The following GRID2 variants were observed in gnomAD, a reference collection of about 807,000 sequenced individuals.
GRID2 encodes glutamate receptor ionotropic, delta-2.
Under a neutral mutation model 114.8 loss-of-function variants are expected in GRID2, and 33 were observed. That is an observed-to-expected ratio of 0.29 (90% CI 0.22 to 0.38). The LOEUF (loss-of-function observed/expected upper bound fraction) is 0.38, where lower values mean the gene tolerates loss of function less well. GRID2 is among the 10% of genes least tolerant of loss of function. The pLI, the probability that GRID2 is intolerant of heterozygous loss-of-function variation, is 1.00. For missense variants in GRID2, 1,184 were observed against 1,257.7 expected, an observed-to-expected ratio of 0.94 and a Z score of 0.89; for synonymous variants, 505 against 449.9, an observed-to-expected ratio of 1.12 and a Z score of -1.55.
At chr4:93,017,529 T>C (rs2149240965) in intron 2 of GRID2, among the ~76,000 whole-genome samples, 1 of 152,142 alleles carries the variant, frequency 6.6e-6, no homozygotes, top group South Asian at 2.1e-4. Context: ...TCTATATATA[T>C]ATGGCCACGC....
chr4:92,901,535 T>C lies in GRID2; in HGVS notation c.245-183460T>C, dbSNP rs114572911. Among the ~76,000 whole-genome samples the C allele has an allele frequency of 2.7e-3, 411 of 152,330 alleles. 4 individuals carry two copies. Among genetic ancestry groups the C allele is most frequent in the African/African-American group, 9.5e-3 (397 of 41,582 alleles). ...AGTTTTGTTTTGGTTTCATATGCTTTTGAGGTCCTAGTCATAAATTATTTA... is the reference window on the plus strand; with the variant it reads ...AGTTTTGTTTTGGTTTCATATGCTTCTGAGGTCCTAGTCATAAATTATTTA... On this transcript the variant is annotated intron_variant, in intron 2 of 15. Coordinates refer to ENST00000282020, the MANE Select transcript of GRID2 (RefSeq NM_001510.4).
At chr4:92,717,269 G>C (rs1735596201) in intron 2 of GRID2, among the ~76,000 whole-genome samples, 1 of 152,160 alleles carries the variant, frequency 6.6e-6, no homozygotes, top group South Asian at 2.1e-4. Context: ...TGTAAAGCTA[G>C]AAGGAAAACA....
chr4:93,420,253 G>A (rs1309144898), intron 9 of GRID2, among the ~76,000 whole-genome samples: 1 of 152,072 alleles, frequency 6.6e-6, no homozygotes, highest in Non-Finnish European at 1.5e-5. Context: ...AGCATTAAAA[G>A]CTATATTAAT....
At chr4:92,389,799 A>T (rs1730154660) in intron 1 of GRID2, among the ~76,000 whole-genome samples, 1 of 152,096 alleles carries the variant, frequency 6.6e-6, no homozygotes. Context: ...TATTAACTGT[A>T]AGGAGATATC....
chr4:93,526,580 C>T (rs890041108), intron 13 of GRID2, among the ~76,000 whole-genome samples: 1 of 152,140 alleles, frequency 6.6e-6, no homozygotes, highest in Non-Finnish European at 1.5e-5. Context: ...GAGGCTGAGG[C>T]GGACAGATCA....
rs114965615 is a variant in GRID2 at position 93,213,674 on chromosome 4, T to C, written c.790-3064T>C. 2.6e-3 allele frequency among the ~76,000 whole-genome samples: 389 copies of C among 152,288 alleles called. 1 individual carries two copies. The highest frequency in any genetic ancestry group is 8.9e-3 in the African/African-American group (371 of 41,572). ...TTGAGAGTCTTTTCTTCCCACAATCTTATTCATTTCAACCTAAAGCTGATA... is the reference window on the plus strand; with the variant it reads ...TTGAGAGTCTTTTCTTCCCACAATCCTATTCATTTCAACCTAAAGCTGATA... On this transcript the variant is annotated intron_variant, in intron 5 of 15. Coordinates refer to ENST00000282020, the MANE Select transcript of GRID2 (RefSeq NM_001510.4).
At chr4:92,979,036 A>AAAATAG (rs1754035131) in intron 2 of GRID2, among the ~76,000 whole-genome samples, 1 of 152,090 alleles carries the variant, frequency 6.6e-6, no homozygotes, top group South Asian at 2.1e-4. Flanking sequence ...AATAAAAATA[A>AAAATAG]AAATGAAAAT....
chr4:92,909,005 T>C (rs868124362), intron 2 of GRID2, among the ~76,000 whole-genome samples: 14 of 152,156 alleles, frequency 9.2e-5, no homozygotes, highest in Non-Finnish European at 1.9e-4. Flanking sequence ...CATTAATTGA[T>C]TGTTCAATTT....
At chr4:92,348,095 A>G (rs1304059186) in intron 1 of GRID2, among the ~76,000 whole-genome samples, 1 of 152,114 alleles carries the variant, frequency 6.6e-6, no homozygotes, top group East Asian at 1.9e-4. Context: ...AGCTGGGACC[A>G]CAGTCATGTG....
intron 1 of GRID2, among the ~76,000 whole-genome samples, chr4:92,327,820 C>A (rs371350744): frequency 6.6e-6 from 1 of 151,508 alleles, no homozygotes; most frequent in South Asian, 2.1e-4. Flanking sequence ...GTTCCCCTCA[C>A]GTAGAGAATA....
At chr4:92,602,322 G>T (rs951545585) in intron 2 of GRID2, among the ~76,000 whole-genome samples, 1 of 152,014 alleles carries the variant, frequency 6.6e-6, no homozygotes, top group African/African-American at 2.4e-5. Context: ...CTGGGAAACC[G>T]GATTCAGCAA....
chr4:92,393,921 A>G (rs1411386591), intron 1 of GRID2, among the ~76,000 whole-genome samples: 1 of 152,174 alleles, frequency 6.6e-6, no homozygotes, highest in Non-Finnish European at 1.5e-5. Flanking sequence ...TTTGCTGGAT[A>G]GTGTCACAGA....
intron 14 of GRID2, among the ~76,000 whole-genome samples, chr4:93,672,112 G>T (rs998792508): frequency 6.6e-6 from 1 of 152,164 alleles, no homozygotes; most frequent in Non-Finnish European, 1.5e-5. Flanking sequence ...CTCACTACCA[G>T]TTGAGGAGTT....
chr4:92,954,012 T>C (rs1432722014), intron 2 of GRID2, among the ~76,000 whole-genome samples: 1 of 152,168 alleles, frequency 6.6e-6, no homozygotes, highest in Non-Finnish European at 1.5e-5. Flanking sequence ...TTACATTCCA[T>C]TATATGATAT....
chr4:93,568,900 C>G (rs1735680867), intron 13 of GRID2, among the ~76,000 whole-genome samples: 1 of 152,114 alleles, frequency 6.6e-6, no homozygotes, highest in African/African-American at 2.4e-5. Context: ...CCCTGAGACA[C>G]CTGTTACCAT....
chr4:92,307,888 C>G (rs932352966), intron 1 of GRID2, among the ~76,000 whole-genome samples: 8 of 152,156 alleles, frequency 5.3e-5, no homozygotes, highest in Non-Finnish European at 1.5e-5. Flanking sequence ...TATGCTTCTA[C>G]TTTGAGCCTA....
chr4:93,614,397 T>C (rs2149671362), intron 13 of GRID2, among the ~76,000 whole-genome samples: 1 of 152,310 alleles, frequency 6.6e-6, no homozygotes, highest in South Asian at 2.1e-4. Flanking sequence ...CTGTCAATTA[T>C]GCCAACAACA....
intron 2 of GRID2, among the ~76,000 whole-genome samples, chr4:92,839,908 A>C (rs1003921634): frequency 4.6e-5 from 7 of 152,034 alleles, no homozygotes; most frequent in African/African-American, 1.7e-4. Context: ...TCAATGCTGA[A>C]AGTGGGGTGT....
At chr4:92,472,810 G>A (rs1431555911) in intron 1 of GRID2, among the ~76,000 whole-genome samples, 4 of 151,930 alleles carry the variant, frequency 2.6e-5, no homozygotes, top group Non-Finnish European at 5.9e-5. Context: ...TTATTTTTCT[G>A]CTCTGGAAAC....
Sources: allele counts gnomAD v4.1 joint callset (sites outside exome capture counted in the v4.1 genomes callset), GRCh38; gene constraint gnomAD v4.1.1; transcripts MANE v1.5; gene names NCBI Gene and HGNC (gene_info 2026-07-23, HGNC 2026-07-21).